The following SLC2A13 variants were observed in gnomAD, a reference collection of about 807,000 sequenced individuals.
SLC2A13 encodes solute carrier family 2 member 13.
A neutral mutation model predicts 64.4 loss-of-function variants in SLC2A13; 32 were observed. That is an observed-to-expected ratio of 0.50 (90% CI 0.37 to 0.67). The LOEUF (loss-of-function observed/expected upper bound fraction) is 0.67. Among genes scored for constraint, SLC2A13 ranks in the 30% least tolerant of loss-of-function variants. The pLI, the probability that SLC2A13 is intolerant of heterozygous loss-of-function variation, is 0.00. For synonymous variants in SLC2A13, 338 were observed against 327.1 expected, an observed-to-expected ratio of 1.03 and a Z score of -0.36; for missense variants, 743 against 829.2, an observed-to-expected ratio of 0.90 and a Z score of 1.28.
intron 3 of SLC2A13, among the ~76,000 whole-genome samples, chr12:39,968,806 A>ATC (rs1946585628): frequency 1.9e-5 from 2 of 105,552 alleles, no homozygotes; most frequent in African/African-American, 3.5e-5. Context: ...ATATATATAT[A>ATC]TCTACATTAT....
At chr12:39,791,245 T>C (rs2135763611) in intron 7 of SLC2A13, among the ~76,000 whole-genome samples, 1 of 144,240 alleles carries the variant, frequency 6.9e-6, no homozygotes, top group East Asian at 2.1e-4. Flanking sequence ...GAGCTATCTA[T>C]GACAAACCCA....
At chr12:39,914,593 T>C (rs906748499) in intron 4 of SLC2A13, among the ~76,000 whole-genome samples, 1 of 151,912 alleles carries the variant, frequency 6.6e-6, no homozygotes, top group Non-Finnish European at 1.5e-5. Flanking sequence ...TATATTAGGT[T>C]GGTGCAAAGG....
intron 3 of SLC2A13, among the ~76,000 whole-genome samples, chr12:40,022,605 G>A (rs1947737883): frequency 6.6e-6 from 1 of 152,192 alleles, no homozygotes; most frequent in Non-Finnish European, 1.5e-5. Flanking sequence ...GGGAGGCCAA[G>A]GCAGGTGGAT....
At chr12:39,909,060 C>A (rs1233965514) in intron 4 of SLC2A13, among the ~76,000 whole-genome samples, 2 of 151,726 alleles carry the variant, frequency 1.3e-5, no homozygotes, top group African/African-American at 4.9e-5. Context: ...GTTGTGCTCA[C>A]AAGGAATACA....
intron 3 of SLC2A13, among the ~76,000 whole-genome samples, chr12:39,968,760 GTATATATATATATATATA>G (rs56838055): frequency 1.3e-4 from 8 of 59,874 alleles, no homozygotes; most frequent in Admixed American, 3.9e-4. Flanking sequence ...TTTTTTTTTG[GTATATATATATATATATA>G]TATATATATA....
intron 2 of SLC2A13, among the ~76,000 whole-genome samples, chr12:40,032,457 G>A (rs1947919852): frequency 6.6e-6 from 1 of 152,224 alleles, no homozygotes; most frequent in African/African-American, 2.4e-5. Context: ...AGCAGTACCA[G>A]CACCTGCCTA....
At chr12:39,941,173 T>C (rs1946018859) in intron 4 of SLC2A13, among the ~76,000 whole-genome samples, 1 of 152,032 alleles carries the variant, frequency 6.6e-6, no homozygotes, top group Non-Finnish European at 1.5e-5. Context: ...ACTTGTTGAT[T>C]GATGGGCATT....
chr12:40,096,558 G>A (rs1938951411), intron 1 of SLC2A13, among the ~76,000 whole-genome samples: 1 of 151,652 alleles, frequency 6.6e-6, no homozygotes, highest in Non-Finnish European at 1.5e-5. Context: ...GAGAAGATGA[G>A]ACCTAAATTT....
At chr12:40,099,010 G>T (rs1216431321) in intron 1 of SLC2A13, among the ~76,000 whole-genome samples, 4 of 152,196 alleles carry the variant, frequency 2.6e-5, no homozygotes, top group Non-Finnish European at 5.9e-5. Flanking sequence ...GCTGTGAAAC[G>T]ATGCTCCTGC....
chr12:39,974,177 AT>A (rs1292675637), intron 3 of SLC2A13, among the ~76,000 whole-genome samples: 1 of 152,194 alleles, frequency 6.6e-6, no homozygotes, highest in African/African-American at 2.4e-5. Context: ...AGTTAGTGTT[AT>A]CATTCCTGTT....
At chr12:39,980,819 C>T (rs1167784111) in intron 3 of SLC2A13, among the ~76,000 whole-genome samples, 4 of 152,098 alleles carry the variant, frequency 2.6e-5, no homozygotes, top group East Asian at 1.9e-4. Context: ...CTGCACCAAG[C>T]GGACCTAACA....
intron 7 of SLC2A13, among the ~76,000 whole-genome samples, chr12:39,783,484 C>A (rs1312864264): frequency 1.3e-5 from 2 of 152,294 alleles, no homozygotes; most frequent in African/African-American, 2.4e-5. Flanking sequence ...TACAGTCCCA[C>A]CAACAGTGTA....
intron 4 of SLC2A13, among the ~76,000 whole-genome samples, chr12:39,879,704 G>C (rs1269912826): frequency 6.6e-6 from 1 of 152,096 alleles, no homozygotes; most frequent in Non-Finnish European, 1.5e-5. Context: ...TATTTTACAG[G>C]CTCAAAAGTG....
At chr12:39,795,754 G>A (rs956690884) in intron 7 of SLC2A13, among the ~76,000 whole-genome samples, 3 of 152,120 alleles carry the variant, frequency 2.0e-5, no homozygotes, top group African/African-American at 7.2e-5. Context: ...GCCACATAAG[G>A]GCTGACTTCT....
At chr12:39,833,055 C>T (rs1214785472) in intron 6 of SLC2A13, among the ~76,000 whole-genome samples, 1 of 152,078 alleles carries the variant, frequency 6.6e-6, no homozygotes, top group Non-Finnish European at 1.5e-5. Context: ...TTACATTTAT[C>T]CACATCCTGG....
chr12:39,859,131 A>G (rs1943686460), intron 6 of SLC2A13, among the ~76,000 whole-genome samples: 1 of 152,134 alleles, frequency 6.6e-6, no homozygotes, highest in Non-Finnish European at 1.5e-5. Flanking sequence ...CCATCTACAG[A>G]TGAAGCCACA....
intron 3 of SLC2A13, among the ~76,000 whole-genome samples, chr12:39,989,014 C>T (rs1300434445): frequency 2.0e-5 from 3 of 152,196 alleles, no homozygotes; most frequent in African/African-American, 7.2e-5. Context: ...CATTGTCTCA[C>T]TCCATGTACT....
intron 4 of SLC2A13, among the ~76,000 whole-genome samples, chr12:39,887,327 G>A (rs1944490334): frequency 6.6e-6 from 1 of 152,160 alleles, no homozygotes; most frequent in African/African-American, 2.4e-5. Flanking sequence ...TCTGTTACAA[G>A]TTATATCCCA....
At chr12:40,047,934 T>C in intron 2 of SLC2A13, 117 bp downstream of exon 2, 1 of 971,770 alleles carries the variant, frequency 1.0e-6, no homozygotes, top group Non-Finnish European at 1.5e-6. Context: ...CACCTACTTA[T>C]AAATTAGCAA....
Sources: gnomAD v4.1 joint callset for allele counts (sites outside exome capture counted in the v4.1 genomes callset) on GRCh38, gnomAD v4.1.1 for gene constraint, MANE v1.5 for transcripts, NCBI Gene and HGNC (gene_info 2026-07-23, HGNC 2026-07-21) for gene names.